The following RAB6B variants were observed in gnomAD, a reference collection of about 807,000 sequenced individuals.
The protein encoded by RAB6B is ras-related protein Rab-6B.
A neutral mutation model predicts 31.2 loss-of-function variants in RAB6B; 7 were observed. The observed-to-expected ratio is 0.22, with a 90% CI of 0.13 to 0.42. The LOEUF is 0.42. Among genes scored for constraint, RAB6B ranks in the 10% least tolerant of loss-of-function variants. The probability of loss-of-function intolerance (pLI) is 1.00; values close to 1 mark genes in which losing one functional copy is unlikely to be tolerated. For synonymous variants in RAB6B, 105 were observed against 104.9 expected, an observed-to-expected ratio of 1.00 and a Z score of -0.01; for missense variants, 149 against 280.6, an observed-to-expected ratio of 0.53 and a Z score of 3.35.
intron 1 of RAB6B, among the ~76,000 whole-genome samples, chr3:133,889,394 A>T (rs1408423523): frequency 0.012 from 132 of 11,234 alleles, 5 homozygotes; most frequent in Non-Finnish European, 0.016. Flanking sequence ...TTTGTTATAT[A>T]TATATATATA....
chr3:133,829,612 G>A (rs922531955), intron 7 of RAB6B, among the ~76,000 whole-genome samples: 1 of 152,212 alleles, frequency 6.6e-6, no homozygotes, highest in African/African-American at 2.4e-5. Context: ...CCTGGACAGG[G>A]ATTGCCTTAA....
chr3:133,880,551 G>A (rs977893714), intron 1 of RAB6B, among the ~76,000 whole-genome samples: 1 of 152,236 alleles, frequency 6.6e-6, no homozygotes, highest in African/African-American at 2.4e-5. Flanking sequence ...CCCCTTCTCA[G>A]AGGAACCCTT....
At chr3:133,880,458 T>C (rs1936451057) in intron 1 of RAB6B, among the ~76,000 whole-genome samples, 1 of 152,214 alleles carries the variant, frequency 6.6e-6, no homozygotes, top group South Asian at 2.1e-4. Flanking sequence ...GGCCTCGCCA[T>C]GAGACAAAGC....
Position 133,841,398 on chromosome 3 carries a change from A to G in RAB6B, c.184-8T>C, listed in dbSNP as rs971929041. On this transcript the variant is annotated splice_polypyrimidine_tract_variant and splice_region_variant and intron_variant, in intron 3 of 7. Transcript: ENST00000285208. ...CCAGAGCTGCAGTCGCACCTGTCTC[A>G]GGGAGGGCAGGACCATGGGCAGAGG... The G allele has an allele frequency of 6.2e-7, 1 of 1,613,780 alleles. No homozygotes were observed. Among genetic ancestry groups the G allele is most frequent in the Non-Finnish European group, 8.5e-7 (1 of 1,179,764 alleles).
chr3:133,843,147 C>T (rs1325041774), intron 2 of RAB6B, among the ~76,000 whole-genome samples: 4 of 152,224 alleles, frequency 2.6e-5, no homozygotes, highest in Non-Finnish European at 2.9e-5. Flanking sequence ...GGTCATTCTA[C>T]GCTCTGGAGC....
Position 133,862,906 on chromosome 3 carries a change from AGTAAGAAAT to A in RAB6B, c.129+1669_129+1677del, listed in dbSNP as rs549622079. 9.2e-5 allele frequency among the ~76,000 whole-genome samples: 14 copies of A among 152,362 alleles called. 1 individual carries two copies. The South Asian group carries it at 2.9e-3, about 32-fold the overall frequency. On this transcript the variant is annotated intron_variant, in intron 2 of 7. Transcript: ENST00000285208. ...CAAGAAGCATTATATGTAACTTAAT[AGTAAGAAAT>A]CAAAATAATATATGAGATCATTCAT...
intron 1 of RAB6B, among the ~76,000 whole-genome samples, chr3:133,891,710 A>C (rs1415794910): frequency 6.6e-6 from 1 of 152,218 alleles, no homozygotes; most frequent in Non-Finnish European, 1.5e-5. Flanking sequence ...ACAAATGACT[A>C]AACAACTGAG....
At position 133,828,169 on chromosome 3, in the gene RAB6B, G is replaced by A; in HGVS notation, c.*619C>T. ...AGACCTTGGTCTCAGCTCCACACGA[G>A]GTTGACGACCCACTCTGGCCATGGA... is the stretch of plus-strand genomic sequence containing the variant. On this transcript the variant is annotated 3_prime_UTR_variant, in exon 8 of 8. Transcript: ENST00000285208. 2 of 591,342 alleles carry A rather than the reference G, an allele frequency of 3.4e-6. No individual in the cohort carries two copies. The highest frequency in any genetic ancestry group is 6.0e-6 in the Non-Finnish European group (2 of 331,604). The allele number at this position is 591,342 out of a possible 1,614,324, so 36.6% of individuals were successfully genotyped here.
At chr3:133,834,169 G>C (rs1057230592) in intron 7 of RAB6B, among the ~76,000 whole-genome samples, 13 of 152,046 alleles carry the variant, frequency 8.6e-5, no homozygotes, top group Admixed American at 6.5e-4. Context: ...GTCTGAAGGG[G>C]GGAGCTGTCT....
chr3:133,886,100 C>A (rs1472168553), intron 1 of RAB6B, among the ~76,000 whole-genome samples: 1 of 152,148 alleles, frequency 6.6e-6, no homozygotes, highest in Admixed American at 6.5e-5. Context: ...ATTTCTCCAC[C>A]CGCACCAGAA....
intron 2 of RAB6B, among the ~76,000 whole-genome samples, chr3:133,863,451 G>A (rs548939710): frequency 1.1e-4 from 16 of 152,178 alleles, no homozygotes; most frequent in African/African-American, 2.2e-4. Context: ...GAGGAGGGAC[G>A]TCTTAGAACA....
rs1298265035 is a variant in RAB6B at position 133,827,776 on chromosome 3, G to A, written c.*1012C>T. 1 of 109,400 alleles carries A rather than the reference G, an allele frequency of 9.1e-6. No homozygotes were observed. The highest frequency in any genetic ancestry group is 8.8e-5 in the Admixed American group (1 of 11,412). The allele number at this position is 109,400 out of a possible 1,614,324, so 6.8% of individuals were successfully genotyped here. A position where few individuals can be genotyped will look rare whatever the true frequency, so the allele number is the denominator to read the frequency against. On this transcript the variant is annotated 3_prime_UTR_variant, in exon 8 of 8. Transcript: ENST00000285208. Reference sequence around the variant, plus strand: ...CCCCCCCCCCCGCCTCCCCATCACAGAGGATCAACTCCAGGTGGTCCAGCT... The same window carrying A: ...CCCCCCCCCCCGCCTCCCCATCACAAAGGATCAACTCCAGGTGGTCCAGCT...
chr3:133,838,703 G>T (rs1005890798), intron 5 of RAB6B, among the ~76,000 whole-genome samples: 1 of 152,226 alleles, frequency 6.6e-6, no homozygotes, highest in Non-Finnish European at 1.5e-5. Context: ...AGGGCTCCAT[G>T]ATGGGGCAGG....
intron 2 of RAB6B, among the ~76,000 whole-genome samples, chr3:133,843,921 G>A (rs1466549935): frequency 1.3e-5 from 2 of 152,178 alleles, no homozygotes; most frequent in African/African-American, 4.8e-5. Flanking sequence ...CTTCAGCAGC[G>A]CTGGACTGCT....
intron 7 of RAB6B, among the ~76,000 whole-genome samples, chr3:133,832,872 C>G (rs965744589): frequency 1.3e-5 from 2 of 152,204 alleles, no homozygotes; most frequent in Non-Finnish European, 1.5e-5. Context: ...CTGGATGAAA[C>G]GCTAGGCATA....
intron 2 of RAB6B, among the ~76,000 whole-genome samples, chr3:133,853,190 A>G (rs1340015260): frequency 6.6e-6 from 1 of 152,090 alleles, no homozygotes; most frequent in Non-Finnish European, 1.5e-5. Context: ...TTTCATCTCA[A>G]AGGTCACCAC....
chr3:133,871,631 G>A (rs1254166687), intron 1 of RAB6B, among the ~76,000 whole-genome samples: 2 of 152,248 alleles, frequency 1.3e-5, no homozygotes, highest in African/African-American at 4.8e-5. Flanking sequence ...CTCCCTCCAC[G>A]AAGGACAGCT....
At chr3:133,846,014 C>T (rs933334992) in intron 2 of RAB6B, among the ~76,000 whole-genome samples, 9 of 152,166 alleles carry the variant, frequency 5.9e-5, no homozygotes, top group African/African-American at 2.2e-4. Context: ...GTAGCTAGGA[C>T]ACTGCAGAGG....
At chr3:133,885,035 C>T (rs1936522993) in intron 1 of RAB6B, among the ~76,000 whole-genome samples, 1 of 150,532 alleles carries the variant, frequency 6.6e-6, no homozygotes, top group African/African-American at 2.5e-5. Flanking sequence ...GGATGGGGGG[C>T]TCACACACCA....
Sources: allele counts gnomAD v4.1 joint callset (sites outside exome capture counted in the v4.1 genomes callset), GRCh38; gene constraint gnomAD v4.1.1; transcripts MANE v1.5; gene names NCBI Gene and HGNC (gene_info 2026-07-23, HGNC 2026-07-21).